CNGA3: variants seen among roughly 807,000 people sequenced by gnomAD.
The protein encoded by CNGA3 is cyclic nucleotide gated channel subunit alpha 3.
A neutral mutation model predicts 46.6 loss-of-function variants in CNGA3; 42 were observed. The ratio of observed to expected loss-of-function variants is 0.90; its 90% CI spans 0.70 to 1.17. The LOEUF (loss-of-function observed/expected upper bound fraction) is 1.17. Among genes scored for constraint, CNGA3 ranks in the 50% most tolerant of loss-of-function variants. The probability of loss-of-function intolerance (pLI) is 0.00; values close to 1 mark genes in which losing one functional copy is unlikely to be tolerated. For synonymous variants in CNGA3, 394 were observed against 369.4 expected (o/e 1.07, Z -0.76); for missense variants, 893 against 890.7 (o/e 1.00, Z -0.03).
chr2:98,377,842 C>T, intron 3 of CNGA3, 42 bp downstream of exon 3: 1 of 1,549,674 alleles, frequency 6.5e-7, no homozygotes, highest in Non-Finnish European at 8.8e-7. Context: ...CTGGGGGACA[C>T]TGTTGCAGAA....
At chr2:98,356,837 A>C (rs62156295) in intron 1 of CNGA3, among the ~76,000 whole-genome samples, 34,095 of 152,144 alleles carry the variant, frequency 0.22, 4,334 homozygotes, top group Admixed American at 0.37. Context: ...AGGGGCTCGA[A>C]ATGTTTGGCC....
intron 1 of CNGA3, among the ~76,000 whole-genome samples, chr2:98,346,842 A>G (rs897955389): frequency 2.0e-5 from 3 of 151,498 alleles, no homozygotes; most frequent in African/African-American, 7.3e-5. Flanking sequence ...ACCCCCTTTT[A>G]CTCACGTCCC....
intron 1 of CNGA3, among the ~76,000 whole-genome samples, chr2:98,350,217 C>T (rs1691743035): frequency 6.6e-6 from 1 of 152,152 alleles, no homozygotes; most frequent in East Asian, 1.9e-4. Flanking sequence ...TGGTGTATAC[C>T]TTGGCAGTAG....
chr2:98,352,311 AC>A (rs1296649251), intron 1 of CNGA3, among the ~76,000 whole-genome samples: 1 of 152,140 alleles, frequency 6.6e-6, no homozygotes, highest in Non-Finnish European at 1.5e-5. Context: ...TGTCGTTTCC[AC>A]TTAGGGCTAC....
intron 1 of CNGA3, among the ~76,000 whole-genome samples, chr2:98,366,776 C>T (rs1022098397): frequency 5.3e-5 from 8 of 152,204 alleles, no homozygotes; most frequent in East Asian, 1.9e-4. Context: ...CCAGTGATGG[C>T]GGCCACCCCT....
At chr2:98,377,900 G>A in intron 3 of CNGA3, 100 bp downstream of exon 3, 2 of 1,319,856 alleles carry the variant, frequency 1.5e-6, no homozygotes, top group Non-Finnish European at 2.1e-6. Flanking sequence ...GGGTGGAGTT[G>A]AAGATTTGGA....
intron 7 of CNGA3, among the ~76,000 whole-genome samples, chr2:98,393,732 T>A (rs1692844473): frequency 6.6e-6 from 1 of 151,930 alleles, no homozygotes; most frequent in Non-Finnish European, 1.5e-5. Flanking sequence ...TGTGCTTGGG[T>A]AGTACCCTAA....
At chr2:98,392,805 G>A (rs1476806396) in intron 7 of CNGA3, among the ~76,000 whole-genome samples, 1 of 152,194 alleles carries the variant, frequency 6.6e-6, no homozygotes, top group African/African-American at 2.4e-5. Context: ...TAGGGCCCAG[G>A]TGAATGAGGA....
intron 1 of CNGA3, among the ~76,000 whole-genome samples, chr2:98,362,467 C>A (rs1157946471): frequency 6.6e-6 from 1 of 151,936 alleles, no homozygotes; most frequent in Non-Finnish European, 1.5e-5. Flanking sequence ...AGATGTGAAC[C>A]ACTACACCCG....
intron 4 of CNGA3, among the ~76,000 whole-genome samples, 179 bp from the exon 5 acceptor site, chr2:98,383,209 C>G (rs1365119384): frequency 6.6e-6 from 1 of 152,178 alleles, no homozygotes; most frequent in African/African-American, 2.4e-5. Flanking sequence ...CCCGAGGTAA[C>G]TAATCACAAA....
intron 5 of CNGA3, among the ~76,000 whole-genome samples, chr2:98,383,701 TGGATCAGA>T (rs1692586375): frequency 6.6e-6 from 1 of 152,192 alleles, no homozygotes; most frequent in Non-Finnish European, 1.5e-5. Context: ...GCAAAGGAAT[TGGATCAGA>T]TAAATGCTTT....
intron 1 of CNGA3, among the ~76,000 whole-genome samples, chr2:98,361,339 G>A (rs946331854): frequency 6.6e-6 from 1 of 152,094 alleles, no homozygotes; most frequent in East Asian, 1.9e-4. Flanking sequence ...CTCCATCCAT[G>A]TCCCTGCAAA....
rs1369254057 is a variant in CNGA3, at chr2:98,367,176, C to CCTT, written c.-37-2763_-37-2762insCTT. Among the ~76,000 whole-genome samples, 65 of 115,538 alleles carry CCTT rather than the reference C, an allele frequency of 5.6e-4. 2 individuals are homozygous for CCTT. The highest frequency in any genetic ancestry group is 6.9e-4 in the Non-Finnish European group (39 of 56,318). The allele number at this position is 115,538 out of a possible 152,430, so 75.8% of individuals were successfully genotyped here. On this transcript the variant is annotated intron_variant, in intron 1 of 7. Transcript: ENST00000272602. ...ACCTCTGACATCAGCTGTTTTTTTTCTTTTTTTTCTTTTTTTTTTTTTTTT... is the reference window on the plus strand; with the variant it reads ...ACCTCTGACATCAGCTGTTTTTTTTCCTTTTTTTTTTCTTTTTTTTTTTTTTTT...
At chr2:98,388,278 GA>G (rs1460700008) in intron 5 of CNGA3, among the ~76,000 whole-genome samples, 1 of 152,210 alleles carries the variant, frequency 6.6e-6, no homozygotes, top group African/African-American at 2.4e-5. Context: ...CAGCAAGGCA[GA>G]AAAGAACGAA....
At chr2:98,377,585 T>C in intron 2 of CNGA3, 102 bp from the exon 3 acceptor site, 2 of 1,158,590 alleles carry the variant, frequency 1.7e-6, no homozygotes, top group East Asian at 5.1e-5. Context: ...TGAGGGTGGC[T>C]TTCCCTGCTA....
intron 1 of CNGA3, among the ~76,000 whole-genome samples, chr2:98,355,026 T>C (rs62156276): frequency 0.04 from 6,120 of 152,320 alleles, 170 homozygotes; most frequent in Middle Eastern, 0.078. Context: ...TGAAAGCATG[T>C]TGGATTTTTG....
In CNGA3 at chr2:98,398,340, G is replaced by A. The variant is rs573445072; in HGVS notation, c.*1085G>A. On this transcript the variant is annotated 3_prime_UTR_variant, in exon 8 of 8. Transcript: ENST00000272602. ...CATTTTATAACAGATTTATATTTTT[G>A]AGTTCCGTGATTGCAAATTATGACC... The A allele has an allele frequency of 7.2e-5, 11 of 152,026 alleles. No individual in the cohort carries two copies. The highest frequency in any genetic ancestry group is 1.5e-4 in the Non-Finnish European group (10 of 68,008). 9.4% of individuals were successfully genotyped at this position (152,026 alleles called of 1,614,324 possible).
In CNGA3 at chr2:98,389,751, TA is replaced by T; in HGVS notation, c.545del (p.Asn182ThrfsTer19). 1 of 1,613,288 alleles carries T rather than the reference TA, an allele frequency of 6.2e-7. No individual in the cohort carries two copies. The highest frequency in any genetic ancestry group is 8.5e-7 in the Non-Finnish European group (1 of 1,179,980). On this transcript the variant is annotated frameshift_variant, in exon 6 of 8. Transcript: ENST00000272602. LOFTEE classifies it high-confidence loss of function. ...CCGCCATCGCCCTGCCTGTCTTCTA[TA>T]ACTGGTATCTGCTTATTTGCAGGTA... ...LTAIALPVFY[N>X]WYLLICRACF...
At chr2:98,389,900 T>C (rs1692744447) in intron 6 of CNGA3, 126 bp downstream of exon 6, 2 of 673,810 alleles carry the variant, frequency 3.0e-6, no homozygotes, top group South Asian at 1.8e-5. Context: ...CACTTAGTTA[T>C]TGTGCCTCGG....
Sources: gnomAD v4.1 joint callset for allele counts (sites outside exome capture counted in the v4.1 genomes callset) on GRCh38, gnomAD v4.1.1 for gene constraint, MANE v1.5 for transcripts, NCBI Gene and HGNC (gene_info 2026-07-23, HGNC 2026-07-21) for gene names.